The following SNAPC5 variants were observed in gnomAD, a reference collection of about 807,000 sequenced individuals.
SNAPC5 encodes small nuclear RNA activating complex polypeptide 5.
Under a neutral mutation model 9.1 loss-of-function variants are expected in SNAPC5, and 12 were observed. The ratio of observed to expected loss-of-function variants is 1.32; its 90% CI spans 0.85 to 2.15. SNAPC5 has a LOEUF of 2.15. Among genes scored for constraint, SNAPC5 ranks in the 30% most tolerant of loss-of-function variants. SNAPC5 has a pLI of 0.00. For missense variants in SNAPC5, 132 were observed against 114.4 expected (o/e 1.15, Z -0.70); for synonymous variants, 52 against 47.3 (o/e 1.10, Z -0.41).
At chr15:66,494,622 T>A in intron 2 of SNAPC5, 70 bp from the exon 3 acceptor site, 1 of 1,093,138 alleles carries the variant, frequency 9.1e-7, no homozygotes, top group East Asian at 2.4e-5. Context: ...TTCTTAAAAA[T>A]GACTTAAAAT....
intron 1 of SNAPC5, among the ~76,000 whole-genome samples, chr15:66,496,291 C>A (rs1390396435): frequency 6.6e-6 from 1 of 151,774 alleles, no homozygotes; most frequent in South Asian, 2.1e-4. Flanking sequence ...CATGGTGAAA[C>A]CCCGTCTCTA....
chr15:66,497,342 G>A (rs1333647700), intron 1 of SNAPC5: 4 of 545,850 alleles, frequency 7.3e-6, no homozygotes, highest in Non-Finnish European at 1.3e-5. Context: ...CGTGCTGTCT[G>A]AGGGCGATGA....
At chr15:66,490,490 C>A (rs781412352), downstream of SNAPC5, 34 of 1,584,148 alleles carry the variant, frequency 2.1e-5, 1 homozygote, top group South Asian at 3.2e-4. Flanking sequence ...CCTCTCGTTT[C>A]CTTACATGCA....
intron 2 of SNAPC5, among the ~76,000 whole-genome samples, 158 bp from the exon 3 acceptor site, chr15:66,494,710 A>G (rs1893370701): frequency 6.6e-6 from 1 of 152,226 alleles, no homozygotes; most frequent in Non-Finnish European, 1.5e-5. Flanking sequence ...CCCCACCTCC[A>G]TTACCAAAAT....
chr15:66,493,537 C>T lies in SNAPC5; in HGVS notation c.*899G>A, dbSNP rs1245669684. The T allele has an allele frequency of 1.3e-5, 2 of 152,098 alleles. No homozygotes were observed. The highest frequency in any genetic ancestry group is 2.4e-5 in the African/African-American group (1 of 41,388). The allele number at this position is 152,098 out of a possible 1,614,324, so 9.4% of individuals were successfully genotyped here. ...GGTGTGGTGGTGCATGCCTGTAATC[C>T]TAGCTACTCTGGAGGCTGAGGCAGA... is the stretch of plus-strand genomic sequence containing the variant. On this transcript the variant is annotated 3_prime_UTR_variant, in exon 3 of 3. Transcript: ENST00000316634.
At chr15:66,497,606 G>C (rs1351101027) in intron 1 of SNAPC5, 36 bp downstream of exon 1, 1 of 1,584,994 alleles carries the variant, frequency 6.3e-7, no homozygotes, top group Non-Finnish European at 8.7e-7. Context: ...CGCTCGGGAG[G>C]AATGGAGGAG....
intron 2 of SNAPC5, 126 bp from the exon 3 acceptor site, chr15:66,494,678 T>TA: frequency 1.5e-6 from 1 of 651,592 alleles, no homozygotes; most frequent in South Asian, 2.0e-5. Context: ...GACTAAGAGG[T>TA]ATGGCCACTT....
At chr15:66,491,015 T>C (rs772667633), downstream of SNAPC5, 1 of 423,144 alleles carries the variant, frequency 2.4e-6, no homozygotes, top group Non-Finnish European at 4.4e-6. Context: ...TTGCTGGGCA[T>C]ACTTTCTCTC....
intron 2 of SNAPC5, chr15:66,494,992 C>A (rs542644297): frequency 2.7e-6 from 1 of 365,578 alleles, no homozygotes; most frequent in South Asian, 3.0e-5. Context: ...ACTCTTGAAT[C>A]TCAAGGTTAC....
chr15:66,494,833 T>C, intron 2 of SNAPC5: 1 of 374,048 alleles, frequency 2.7e-6, no homozygotes, highest in Non-Finnish European at 4.9e-6. Flanking sequence ...TATCATGGTT[T>C]TAAATGTCTT....
chr15:66,495,139 T>C (rs894017935), intron 2 of SNAPC5, 191 bp downstream of exon 2: 8 of 617,318 alleles, frequency 1.3e-5, no homozygotes, highest in African/African-American at 1.3e-4. Context: ...AATTAATTAG[T>C]GTATAACTAG....
chr15:66,492,972 A>G (rs777150353), downstream of SNAPC5, among the ~76,000 whole-genome samples: 2 of 152,190 alleles, frequency 1.3e-5, no homozygotes, highest in Non-Finnish European at 2.9e-5. Context: ...ACTCATGCTC[A>G]TATTTTAAAT....
chr15:66,492,173 T>C (rs1893278119), downstream of SNAPC5: 3 of 407,344 alleles, frequency 7.4e-6, no homozygotes, highest in African/African-American at 6.2e-5. Flanking sequence ...CACAAAGCCA[T>C]TGGGAACTTC....
rs761310186 is a variant in SNAPC5 at position 66,495,351 on chromosome 15, A to G, written c.159T>C (p.Thr53=). 11 of 1,598,510 alleles carry G rather than the reference A, an allele frequency of 6.9e-6. No individual in the cohort carries two copies. The highest frequency in any genetic ancestry group is 9.4e-6 in the Non-Finnish European group (11 of 1,165,760). ...RRGDEMLSSH[T]VPEQSHDMLV... ...TTACATCATGTGACTGTTCAGGTAC[A>G]GTGTGAGAAGACAGCATCTCATCCC... Residue 53 remains threonine (T), a synonymous_variant, in exon 2 of 3, where the codon ACT becomes ACC. Coordinates refer to ENST00000316634, the MANE Select transcript of SNAPC5 (RefSeq NM_001329615.2).
downstream of SNAPC5, chr15:66,493,341 A>C (rs1893318334): frequency 6.6e-6 from 1 of 152,166 alleles, no homozygotes; most frequent in African/African-American, 2.4e-5. Flanking sequence ...TTATTCTGTA[A>C]CTGTCATCTG....
At chr15:66,492,345 T>C (rs2140692396), downstream of SNAPC5, 1 of 242,742 alleles carries the variant, frequency 4.1e-6, no homozygotes, top group Non-Finnish European at 8.2e-6. Context: ...TCTAAGTAGG[T>C]AGTCCAATCT....
At chr15:66,491,908 A>G (rs1595890406), downstream of SNAPC5, 1 of 450,124 alleles carries the variant, frequency 2.2e-6, no homozygotes, top group Non-Finnish European at 4.4e-6. Flanking sequence ...AACATTTCTC[A>G]TTTTCCATAT....
At position 66,494,313 on chromosome 15, in the gene SNAPC5, T is replaced by G; in HGVS notation, c.*123A>C. 1 of 698,230 alleles carries G rather than the reference T, an allele frequency of 1.4e-6. No homozygotes were observed. Among genetic ancestry groups the G allele is most frequent in the Admixed American group, 2.3e-5 (1 of 44,404 alleles). 43.3% of individuals were successfully genotyped at this position (698,230 alleles called of 1,614,324 possible). A position where few individuals can be genotyped will look rare whatever the true frequency, so the allele number is the denominator to read the frequency against. ...TTTTTGCAACTACACATCCTCCTTA[T>G]AGTTCTTGCTTTCCTTTCAAGCAGA... On this transcript the variant is annotated 3_prime_UTR_variant, in exon 3 of 3. Coordinates refer to ENST00000316634, the MANE Select transcript of SNAPC5 (RefSeq NM_001329615.2).
At chr15:66,495,232 T>G (rs1893385425) in intron 2 of SNAPC5, 98 bp downstream of exon 2, 1 of 827,426 alleles carries the variant, frequency 1.2e-6, no homozygotes, top group Non-Finnish European at 2.1e-6. Context: ...CCCTTTGGGC[T>G]AGGTAATGTG....
Sources: gnomAD v4.1 joint callset for allele counts (sites outside exome capture counted in the v4.1 genomes callset) on GRCh38, gnomAD v4.1.1 for gene constraint, MANE v1.5 for transcripts, NCBI Gene and HGNC (gene_info 2026-07-23, HGNC 2026-07-21) for gene names.